IKBKB-DT: variants seen among roughly 807,000 people sequenced by gnomAD.
IKBKB-DT encodes IKBKB divergent transcript.
chr8:42,260,129 GA>G (rs1807264511), intron 3 of IKBKB-DT, among the ~76,000 whole-genome samples: 1 of 152,134 alleles, frequency 6.6e-6, no homozygotes, highest in South Asian at 2.1e-4. Context: ...GTTCCCCAAA[GA>G]AGCCAGTAAA....
chr8:42,271,131 G>A, exon 1 of IKBKB-DT: 1 of 521,120 alleles, frequency 1.9e-6, no homozygotes, highest in Admixed American at 3.4e-5. Flanking sequence ...AAATCGGTGA[G>A]CACGGTCTGT....
intron 3 of IKBKB-DT, among the ~76,000 whole-genome samples, chr8:42,248,770 T>G (rs982988780): frequency 1.3e-5 from 2 of 151,462 alleles, no homozygotes; most frequent in Admixed American, 1.3e-4. Context: ...TCCCAGCCAT[T>G]TGGGAGGCTG....
intron 3 of IKBKB-DT, among the ~76,000 whole-genome samples, chr8:42,235,205 C>CTTTTTTTTTTTTTT (rs746414963): frequency 2.0e-5 from 2 of 99,400 alleles, no homozygotes; most frequent in Non-Finnish European, 2.0e-5. Flanking sequence ...CTTTTATTTT[C>CTTTTTTTTTTTTTT]TTTTTTTTTT....
chr8:42,269,795 GCTATCAATACCTCAT>G, intron 1 of IKBKB-DT, among the ~76,000 whole-genome samples: 1 of 152,076 alleles, frequency 6.6e-6, no homozygotes, highest in Non-Finnish European at 1.5e-5. Flanking sequence ...AGGCACTGCT[GCTATCAATACCTCAT>G]TTGTCCCTCA....
intron 1 of IKBKB-DT, among the ~76,000 whole-genome samples, chr8:42,267,681 G>A (rs1334860731): frequency 6.6e-6 from 1 of 152,080 alleles, no homozygotes; most frequent in Non-Finnish European, 1.5e-5. Flanking sequence ...GAAGAAAAGG[G>A]GACATTTTTC....
intron 3 of IKBKB-DT, among the ~76,000 whole-genome samples, chr8:42,247,257 G>C (rs1375885928): frequency 6.6e-6 from 1 of 152,210 alleles, no homozygotes. Flanking sequence ...GAGACATGGA[G>C]TCAAAGAAGA....
At chr8:42,254,238 A>G (rs1033155736) in intron 3 of IKBKB-DT, among the ~76,000 whole-genome samples, 6 of 152,226 alleles carry the variant, frequency 3.9e-5, no homozygotes, top group African/African-American at 1.4e-4. Context: ...TTTTTACTAA[A>G]ACATAATATT....
Position 42,237,809 on chromosome 8 carries a change from A to T in IKBKB-DT, n.1530-3950T>A. ...GAGGCCAAGACAGGAGGATTGCTTG[A>T]ATCCAGAAGTTCAACATCATCTTGG... On this transcript the variant is annotated intron_variant and non_coding_transcript_variant, in intron 3 of 3. Coordinates refer to ENST00000518213, the Ensembl canonical transcript of IKBKB-DT. Among the ~76,000 whole-genome samples the T allele has an allele frequency of 1.3e-5, 2 of 151,942 alleles. 1 individual carries two copies. Among genetic ancestry groups the T allele is most frequent in the Non-Finnish European group, 2.9e-5 (2 of 67,986 alleles).
chr8:42,256,341 A>G (rs1277990866), intron 3 of IKBKB-DT, among the ~76,000 whole-genome samples: 2 of 151,400 alleles, frequency 1.3e-5, no homozygotes, highest in African/African-American at 4.9e-5. Context: ...GCAGGTGGAT[A>G]GCCTGAGGTG....
At chr8:42,262,300 T>C (rs1314632923) in intron 3 of IKBKB-DT, among the ~76,000 whole-genome samples, 1 of 136,690 alleles carries the variant, frequency 7.3e-6, no homozygotes, top group Non-Finnish European at 1.6e-5. Flanking sequence ...AAAAAATAAA[T>C]AAAAGATGAC....
At chr8:42,250,292 A>T (rs1807115580) in intron 3 of IKBKB-DT, among the ~76,000 whole-genome samples, 1 of 152,118 alleles carries the variant, frequency 6.6e-6, no homozygotes, top group African/African-American at 2.4e-5. Flanking sequence ...TGGTGGATCC[A>T]GGTGGAGCCA....
At chr8:42,241,873 ATAT>A (rs1188346715) in intron 3 of IKBKB-DT, among the ~76,000 whole-genome samples, 1 of 152,168 alleles carries the variant, frequency 6.6e-6, no homozygotes, top group African/African-American at 2.4e-5. Flanking sequence ...GGTCGAACTA[ATAT>A]TAGAGGAGAG....
chr8:42,268,310 T>C (rs1373536028), intron 1 of IKBKB-DT, among the ~76,000 whole-genome samples: 1 of 151,562 alleles, frequency 6.6e-6, no homozygotes, highest in African/African-American at 2.4e-5. Flanking sequence ...AATTTTTTTG[T>C]ATTTTTAGTA....
In IKBKB-DT at chr8:42,257,499, CA is replaced by C. The variant is rs34815336; in HGVS notation, n.1529+5829del. Among the ~76,000 whole-genome samples the C allele has an allele frequency of 3.8e-3, 544 of 143,468 alleles. 4 individuals are homozygous for C. The highest frequency in any genetic ancestry group is 0.012 in the African/African-American group (450 of 38,248). 94.1% of individuals were successfully genotyped at this position (143,468 alleles called of 152,430 possible). On this transcript the variant is annotated intron_variant and non_coding_transcript_variant, in intron 3 of 3. Coordinates refer to ENST00000518213, the Ensembl canonical transcript of IKBKB-DT. ...CTGGCAACAGAGCGAGACTCCATCT[CA>C]AAAAAAAAAAATTAATAATAAATAA... is the stretch of plus-strand genomic sequence containing the variant.
chr8:42,260,180 G>T (rs1056036887), intron 3 of IKBKB-DT, among the ~76,000 whole-genome samples: 1 of 152,092 alleles, frequency 6.6e-6, no homozygotes, highest in Non-Finnish European at 1.5e-5. Flanking sequence ...CAACCATAGG[G>T]AAGTGACAGA....
At chr8:42,269,813 G>T (rs1455219813) in intron 1 of IKBKB-DT, among the ~76,000 whole-genome samples, 1 of 152,036 alleles carries the variant, frequency 6.6e-6, no homozygotes, top group Admixed American at 6.6e-5. Flanking sequence ...TACCTCATTT[G>T]TCCCTCACAA....
At chr8:42,240,970 G>C (rs559249443) in intron 3 of IKBKB-DT, among the ~76,000 whole-genome samples, 1 of 151,528 alleles carries the variant, frequency 6.6e-6, no homozygotes, top group Non-Finnish European at 1.5e-5. Flanking sequence ...GCAAGACTCC[G>C]TCTCAAAAAA....
At chr8:42,257,328 C>G in intron 3 of IKBKB-DT, among the ~76,000 whole-genome samples, 1 of 151,272 alleles carries the variant, frequency 6.6e-6, no homozygotes, top group East Asian at 2.0e-4. Flanking sequence ...ATGGTGAAAC[C>G]CCATCTCTAC....
chr8:42,264,987 C>G (rs919442413), intron 2 of IKBKB-DT, among the ~76,000 whole-genome samples: 1 of 151,864 alleles, frequency 6.6e-6, no homozygotes, highest in Non-Finnish European at 1.5e-5. Flanking sequence ...CTCAGTCTCC[C>G]GAGTAACTGG....
Sources: allele counts gnomAD v4.1 joint callset (sites outside exome capture counted in the v4.1 genomes callset), GRCh38; gene constraint gnomAD v4.1.1; transcripts MANE v1.5; gene names NCBI Gene and HGNC (gene_info 2026-07-23, HGNC 2026-07-21).